Variants in CPZ observed in about 807,000 individuals in gnomAD.
The protein encoded by CPZ is carboxypeptidase Z, also known as VEZT/CPZ fusion.
A neutral mutation model predicts 61.8 loss-of-function variants in CPZ; 103 were observed. The ratio of observed to expected loss-of-function variants is 1.67; its 90% confidence interval spans 1.42 to 1.96. The LOEUF is 1.96. CPZ is among the 30% of genes most tolerant of loss of function. The pLI is 0.00. For missense variants in CPZ, 1,461 were observed against 914.9 expected (o/e 1.60, Z -7.70); for synonymous variants, 551 against 373.7 (o/e 1.47, Z -5.47).
At chr4:8,618,961 C>T (rs1716446493) in intron 10 of CPZ, among the ~76,000 whole-genome samples, 4 of 151,980 alleles carry the variant, frequency 2.6e-5, no homozygotes, top group African/African-American at 7.3e-5. Context: ...ATATGTGTTA[C>T]CTGGCAGAGA....
chr4:8,604,235 G>T, intron 4 of CPZ, 47 bp downstream of exon 4: 5 of 1,470,280 alleles, frequency 3.4e-6, no homozygotes, highest in Non-Finnish European at 3.6e-6. Context: ...TCGGGAAAGG[G>T]CTTGGGCCGC....
At chr4:8,595,501 T>A (rs1310588689) in intron 1 of CPZ, among the ~76,000 whole-genome samples, 1 of 152,080 alleles carries the variant, frequency 6.6e-6, no homozygotes, top group Admixed American at 6.5e-5. Flanking sequence ...CACCCCCGTG[T>A]GGTAAGGGGC....
At chr4:8,602,210 G>A (rs1714632973) in intron 3 of CPZ, 1 of 152,410 alleles carries the variant, frequency 6.6e-6, no homozygotes, top group Admixed American at 6.5e-5. Context: ...GGGGCTGGTT[G>A]GGGGCCCTGC....
At chr4:8,599,528 C>T in intron 2 of CPZ, 43 bp downstream of exon 2, 1 of 1,610,124 alleles carries the variant, frequency 6.2e-7, no homozygotes, top group Non-Finnish European at 8.5e-7. Context: ...TGTAGGAGGG[C>T]TGCAGCCCCC....
chr4:8,606,629 GA>G, intron 5 of CPZ, 107 bp from the exon 6 acceptor site: 2 of 1,417,264 alleles, frequency 1.4e-6, no homozygotes, highest in Non-Finnish European at 9.9e-7. Flanking sequence ...AAAGCCGGGG[GA>G]AACCGCAGCC....
At chr4:8,614,982 G>C (rs1013800437) in intron 9 of CPZ, among the ~76,000 whole-genome samples, 1 of 152,128 alleles carries the variant, frequency 6.6e-6, no homozygotes, top group Non-Finnish European at 1.5e-5. Context: ...GCTGTGGTGA[G>C]GACTCGAGCC....
chr4:8,593,939 G>A (rs1560287122), intron 1 of CPZ, among the ~76,000 whole-genome samples: 3 of 152,170 alleles, frequency 2.0e-5, no homozygotes, highest in African/African-American at 7.2e-5. Flanking sequence ...GTGCCGTGTT[G>A]TGGGTGGGCC....
intron 7 of CPZ, among the ~76,000 whole-genome samples, chr4:8,608,224 G>C (rs546148413): frequency 2.0e-5 from 3 of 151,874 alleles, no homozygotes; most frequent in Non-Finnish European, 4.4e-5. Context: ...CCGGAGGCTG[G>C]GCCTGCCCTC....
chr4:8,601,199 G>C lies in CPZ; in HGVS notation c.198G>C (p.Gln66His). Residue 66 changes from glutamine to histidine, a missense_variant, in exon 3 of 11, where the codon CAG (glutamine) becomes CAC (histidine). Physicochemically the swap from Gln to His is conservative, Grantham distance 24 (BLOSUM62 0). Transcript: ENST00000360986. Reference protein sequence around the residue: ...YNHTTFPNLLQHRSWEVVEAS... With the variant: ...YNHTTFPNLLHHRSWEVVEAS... ...ACACCACCTTCCCCAACCTGCTTCA[G>C]CACCGGTCGTGGGAGGTGGTGGAGG... 6.2e-7 allele frequency: 1 copy of C among 1,612,914 alleles called. No individual in the cohort carries two copies. Among genetic ancestry groups the C allele is most frequent in the East Asian group, 2.2e-5 (1 of 44,860 alleles).
At chr4:8,609,851 G>GA (rs1306904900) in intron 7 of CPZ, among the ~76,000 whole-genome samples, 3 of 152,238 alleles carry the variant, frequency 2.0e-5, no homozygotes, top group Non-Finnish European at 4.4e-5. Context: ...GGTCCCAGGA[G>GA]AGGCCTGGGT....
chr4:8,613,889 T>C (rs963895500), intron 8 of CPZ, among the ~76,000 whole-genome samples: 3 of 152,212 alleles, frequency 2.0e-5, no homozygotes, highest in African/African-American at 7.2e-5. Flanking sequence ...ATTGTCACCA[T>C]GGGGTCTCCA....
At chr4:8,608,226 C>CCT (rs1384462303) in intron 7 of CPZ, among the ~76,000 whole-genome samples, 2 of 151,210 alleles carry the variant, frequency 1.3e-5, no homozygotes, top group African/African-American at 4.8e-5. Flanking sequence ...GGAGGCTGGG[C>CCT]CTGCCCTCCA....
At chr4:8,617,788 C>G (rs909187125) in intron 9 of CPZ, among the ~76,000 whole-genome samples, 1 of 152,120 alleles carries the variant, frequency 6.6e-6, no homozygotes, top group Non-Finnish European at 1.5e-5. Context: ...GAGCAGGGGC[C>G]GTGTGGGTGG....
chr4:8,611,750 C>G (rs894790709), intron 7 of CPZ, among the ~76,000 whole-genome samples: 3 of 151,980 alleles, frequency 2.0e-5, no homozygotes, highest in African/African-American at 7.3e-5. Flanking sequence ...CCACACTACC[C>G]GGCCAGGTGT....
At chr4:8,607,852 C>A (rs537719642) in intron 7 of CPZ, among the ~76,000 whole-genome samples, 4 of 152,146 alleles carry the variant, frequency 2.6e-5, no homozygotes, top group African/African-American at 9.7e-5. Flanking sequence ...TCCCGGGGGT[C>A]GTGCTTGCTT....
intron 4 of CPZ, 70 bp from the exon 5 acceptor site, chr4:8,605,918 TG>T (rs565578313): frequency 8.8e-6 from 13 of 1,472,172 alleles, no homozygotes; most frequent in African/African-American, 6.9e-5. Context: ...TCTTGCTGAG[TG>T]GGGGGGCCTC....
Position 8,619,610 on chromosome 4 carries a change from A to G in CPZ, c.1952A>G (p.Lys651Arg), listed in dbSNP as rs767357383. The G allele has an allele frequency of 1.3e-6, 2 of 1,500,478 alleles. No homozygotes were observed. Among genetic ancestry groups the G allele is most frequent in the Non-Finnish European group, 8.9e-7 (1 of 1,126,022 alleles). 92.9% of individuals were successfully genotyped at this position (1,500,478 alleles called of 1,614,324 possible). ...ACCCACAGGCCACGCTGGCTGCTCA[A>G]GTACTAGCCCCGGCCCCAGCACCCG... ...LSTHRPRWLL[K>R]Y The change falls in exon 11 of 11, where the codon AAG becomes AGG. Residue 651 changes from lysine (K) to arginine (R), a missense_variant. By Grantham distance (26) the Lys-to-Arg change is conservative. Coordinates refer to ENST00000360986, the MANE Select transcript of CPZ (RefSeq NM_001014447.3).
At position 8,604,192 on chromosome 4, in the gene CPZ, A is replaced by G; in HGVS notation, c.709+4A>G. On this transcript the variant is annotated splice_donor_region_variant and intron_variant, in intron 4 of 10. Coordinates refer to ENST00000360986, the MANE Select transcript of CPZ (RefSeq NM_001014447.3). ...CGCCCCGGCCAGCACGAGCTGAGTG[A>G]GTGCCCTTGGGAGAGCCTGGCCTGG... is the stretch of plus-strand genomic sequence containing the variant. The G allele has an allele frequency of 6.5e-7, 1 of 1,542,550 alleles. No homozygotes were observed.
chr4:8,593,221 C>T (rs1456503983), intron 1 of CPZ, among the ~76,000 whole-genome samples: 6 of 152,206 alleles, frequency 3.9e-5, no homozygotes, highest in Admixed American at 3.3e-4. Context: ...GCAGCAGGGG[C>T]GCCCTGCAGG....
Sources: allele counts gnomAD v4.1 joint callset (sites outside exome capture counted in the v4.1 genomes callset), GRCh38; gene constraint gnomAD v4.1.1; transcripts MANE v1.5; gene names NCBI Gene and HGNC (gene_info 2026-07-23, HGNC 2026-07-21).